The following NUDCD1 variants were observed in gnomAD, a reference collection of about 807,000 sequenced individuals.
The protein encoded by NUDCD1 is NudC domain containing 1.
Under a neutral mutation model 67.8 loss-of-function variants are expected in NUDCD1, and 60 were observed. The observed-to-expected ratio is 0.88, with a 90% CI of 0.72 to 1.10. The LOEUF (loss-of-function observed/expected upper bound fraction) is 1.10, where lower values mean the gene tolerates loss of function less well. Among genes scored for constraint, NUDCD1 ranks in the 50% least tolerant of loss-of-function variants. NUDCD1 has a pLI of 0.00. For synonymous variants in NUDCD1, 244 were observed against 230.8 expected, an observed-to-expected ratio of 1.06 and a Z score of -0.52; for missense variants, 643 against 695.0, an observed-to-expected ratio of 0.93 and a Z score of 0.84.
chr8:109,325,604 C>T (rs924691103), intron 1 of NUDCD1, among the ~76,000 whole-genome samples: 1 of 152,086 alleles, frequency 6.6e-6, no homozygotes, highest in Admixed American at 6.5e-5. Context: ...ACAAAGAAGG[C>T]CACACTGTTC....
intron 1 of NUDCD1, among the ~76,000 whole-genome samples, chr8:109,331,515 C>CAAAAAAA (rs59203626): frequency 6.1e-5 from 4 of 65,860 alleles, no homozygotes; most frequent in African/African-American, 1.0e-4. Flanking sequence ...GACTCAGACT[C>CAAAAAAA]AAAAAAAAAA....
intron 7 of NUDCD1, among the ~76,000 whole-genome samples, chr8:109,274,459 C>A (rs1052318090): frequency 1.3e-5 from 2 of 152,038 alleles, no homozygotes; most frequent in Non-Finnish European, 2.9e-5. Flanking sequence ...GCTGAATGAG[C>A]GAATATAAGG....
intron 6 of NUDCD1, among the ~76,000 whole-genome samples, chr8:109,278,238 A>T (rs1814343223): frequency 6.6e-6 from 1 of 152,234 alleles, no homozygotes. Context: ...TGAATTTAAT[A>T]ATTACTAAGA....
intron 5 of NUDCD1, among the ~76,000 whole-genome samples, chr8:109,285,446 C>G (rs190369618): frequency 9.2e-5 from 14 of 152,230 alleles, no homozygotes; most frequent in Admixed American, 7.8e-4. Flanking sequence ...AACAGCACAT[C>G]AAAAATTTAA....
intron 4 of NUDCD1, among the ~76,000 whole-genome samples, chr8:109,290,995 G>T (rs906653421): frequency 2.0e-5 from 3 of 151,976 alleles, no homozygotes; most frequent in African/African-American, 7.3e-5. Context: ...GATACATGCA[G>T]GGCCAAAAGT....
At chr8:109,249,542 C>G (rs1039778634) in intron 8 of NUDCD1, among the ~76,000 whole-genome samples, 1 of 152,144 alleles carries the variant, frequency 6.6e-6, no homozygotes, top group African/African-American at 2.4e-5. Flanking sequence ...CATTGTTCTA[C>G]TTGTCATTTT....
rs1419968654 is a variant in NUDCD1 at position 109,243,234 on chromosome 8, G to A, written c.1527C>T (p.Ala509=). 1.2e-6 allele frequency: 2 copies of A among 1,612,000 alleles called. No homozygotes were observed. Among genetic ancestry groups the A allele is most frequent in the African/African-American group, 2.7e-5 (2 of 74,848 alleles). Residue 509 remains alanine, a synonymous_variant, in exon 10 of 10, where the codon GCC becomes GCT. Transcript: ENST00000239690. The part of the protein sequence containing the change: ...FACAPNYSYA[A]LCECLRRVFI... The stretch of plus-strand genomic sequence containing the variant: ...ATACTCGACGAAGGCACTCACAAAG[G>A]GCTGCATACGAGTAATTTGGAGCAC...
Position 109,333,633 on chromosome 8 carries a change from C to CCCTCAGA in NUDCD1, c.118+253_118+259dup, listed in dbSNP as rs16918270. On this transcript the variant is annotated intron_variant, in intron 1 of 9. Coordinates refer to ENST00000239690, the MANE Select transcript of NUDCD1 (RefSeq NM_032869.4). ...GCCCCAGGCACTACCCGCACGCCAG[C>CCCTCAGA]CCTCAGACCTCAGACCTCAGAGGCT... is the stretch of plus-strand genomic sequence containing the variant. Among the ~76,000 whole-genome samples the CCCTCAGA allele has an allele frequency of 6.1e-4, 93 of 152,308 alleles. No homozygotes were observed. In the East Asian group the frequency reaches 7.1e-3, roughly 12 times the overall value.
chr8:109,242,850 C>T lies in NUDCD1; in HGVS notation c.*159G>A. 2 of 447,036 alleles carry T rather than the reference C, an allele frequency of 4.5e-6. No individual in the cohort carries two copies. Among genetic ancestry groups the T allele is most frequent in the African/African-American group, 4.0e-5 (2 of 50,484 alleles). 27.7% of individuals were successfully genotyped at this position (447,036 alleles called of 1,614,324 possible). A position where few individuals can be genotyped will look rare whatever the true frequency, so the allele number is the denominator to read the frequency against. ...GCTTCATTCCACAGCTTTACAGAAT[C>T]ATAATCTCTTGAATATATTTCCAAT... On this transcript the variant is annotated 3_prime_UTR_variant, in exon 10 of 10. Coordinates refer to ENST00000239690, the MANE Select transcript of NUDCD1 (RefSeq NM_032869.4).
intron 7 of NUDCD1, 137 bp downstream of exon 7, chr8:109,275,215 A>G (rs887320888): frequency 1.4e-6 from 1 of 700,338 alleles, no homozygotes; most frequent in African/African-American, 1.8e-5. Flanking sequence ...ATATTCAAAC[A>G]TCACTCAGAT....
intron 8 of NUDCD1, among the ~76,000 whole-genome samples, chr8:109,249,847 C>CCTTTTTTTTT (rs1813582403): frequency 7.5e-6 from 1 of 133,924 alleles, no homozygotes; most frequent in Non-Finnish European, 1.6e-5. Flanking sequence ...TTGTTGAATT[C>CCTTTTTTTTT]TTTTTTTTTT....
chr8:109,325,813 A>G (rs1815669121), intron 1 of NUDCD1, among the ~76,000 whole-genome samples: 1 of 152,268 alleles, frequency 6.6e-6, no homozygotes, highest in African/African-American at 2.4e-5. Context: ...AAGAGTACTT[A>G]TAACTACAAT....
Position 109,314,103 on chromosome 8 carries a change from C to A in NUDCD1, c.273+8206G>T, listed in dbSNP as rs984781134. Among the ~76,000 whole-genome samples the A allele has an allele frequency of 3.9e-5, 6 of 152,200 alleles. No individual in the cohort carries two copies. In the South Asian group the frequency reaches 1.2e-3, roughly 32 times the overall value. On this transcript the variant is annotated intron_variant, in intron 2 of 9. Transcript: ENST00000239690. ...ATAGCATTTACTTATATCTGAATAA[C>A]CTCTATTGACAATTTCACTACATGC... is the stretch of plus-strand genomic sequence containing the variant.
intron 8 of NUDCD1, among the ~76,000 whole-genome samples, chr8:109,256,196 TCAAAACACAAAG>T (rs1304352382): frequency 7.2e-5 from 11 of 152,014 alleles, no homozygotes; most frequent in Non-Finnish European, 1.2e-4. Flanking sequence ...GATACCCGTC[TCAAAACACAAAG>T]CAAAACACAA....
chr8:109,295,244 A>C (rs771535282), intron 3 of NUDCD1, among the ~76,000 whole-genome samples: 1 of 152,206 alleles, frequency 6.6e-6, no homozygotes, highest in Non-Finnish European at 1.5e-5. Context: ...CAAAATCTAC[A>C]GAATCCATAC....
At chr8:109,300,293 T>G (rs1245104809) in intron 2 of NUDCD1, among the ~76,000 whole-genome samples, 3 of 152,098 alleles carry the variant, frequency 2.0e-5, no homozygotes, top group Non-Finnish European at 4.4e-5. Flanking sequence ...GGTCAGTTAT[T>G]AAGCTAATCA....
chr8:109,294,644 G>A (rs1009047316), intron 3 of NUDCD1, among the ~76,000 whole-genome samples: 4 of 151,980 alleles, frequency 2.6e-5, no homozygotes, highest in Non-Finnish European at 4.4e-5. Flanking sequence ...AGTAGATGGC[G>A]TACTTTTAAA....
chr8:109,305,144 C>A (rs1815074369), intron 2 of NUDCD1, among the ~76,000 whole-genome samples: 1 of 152,178 alleles, frequency 6.6e-6, no homozygotes, highest in African/African-American at 2.4e-5. Flanking sequence ...CCCTTCCCTA[C>A]ACATCAAGCT....
chr8:109,282,454 G>T (rs1350215704), intron 5 of NUDCD1, among the ~76,000 whole-genome samples: 1 of 151,212 alleles, frequency 6.6e-6, no homozygotes, highest in Non-Finnish European at 1.5e-5. Context: ...CCCTAGAGAG[G>T]GAAAGAGAAA....
Sources: allele counts gnomAD v4.1 joint callset (sites outside exome capture counted in the v4.1 genomes callset), GRCh38; gene constraint gnomAD v4.1.1; transcripts MANE v1.5; gene names NCBI Gene and HGNC (gene_info 2026-07-23, HGNC 2026-07-21).